AMOTL1: variants seen among roughly 807,000 people sequenced by gnomAD.
AMOTL1 encodes angiomotin-like protein 1.
Under a neutral mutation model 102.9 loss-of-function variants are expected in AMOTL1, and 45 were observed. The ratio of observed to expected loss-of-function variants is 0.44; its 90% CI spans 0.34 to 0.56. AMOTL1 has a LOEUF of 0.56. Ranked by LOEUF, AMOTL1 falls within the 20% of genes least tolerant of loss-of-function variation. The probability of loss-of-function intolerance (pLI) is 0.01; values close to 1 mark genes in which losing one functional copy is unlikely to be tolerated. For synonymous variants in AMOTL1, 481 were observed against 484.7 expected (o/e 0.99, Z 0.10); for missense variants, 1,114 against 1,225.6 (o/e 0.91, Z 1.36).
Position 94,730,773 on chromosome 11 carries a change from T to C in AMOTL1, c.85+1718T>C, listed in dbSNP as rs558901841. On this transcript the variant is annotated intron_variant, in intron 2 of 4. Transcript: ENST00000299004. ...TTGGCTGTGGGAACCTATCTGATTA[T>C]ACAACTGCTTCTGGCACCACCACAT... 3.3e-4 allele frequency among the ~76,000 whole-genome samples: 50 copies of C among 152,324 alleles called. 1 individual carries two copies. Among genetic ancestry groups the C allele is most frequent in the African/African-American group, 1.2e-3 (49 of 41,574 alleles).
intron 3 of AMOTL1, among the ~76,000 whole-genome samples, chr11:94,803,505 A>G (rs561224539): frequency 3.3e-5 from 5 of 152,310 alleles, no homozygotes; most frequent in South Asian, 4.1e-4. Flanking sequence ...TTGTTCTACT[A>G]TACTTTTTCC....
chr11:94,799,898 G>A lies in AMOTL1; in HGVS notation c.708G>A (p.Val236=), dbSNP rs868316931. 3 of 1,603,646 alleles carry A rather than the reference G, an allele frequency of 1.9e-6. No homozygotes were observed. The Middle Eastern group carries it at 5.0e-4, about 266-fold the overall frequency. The part of the protein sequence containing the change: ...QKSRTEGRPT[V]NRANSGQAHK... Reference sequence around the variant, plus strand: ...CCCGAACTGAGGGGAGGCCCACTGTGAACCGTGCCAACAGTGGACAGGCGC... The same window carrying A: ...CCCGAACTGAGGGGAGGCCCACTGTAAACCGTGCCAACAGTGGACAGGCGC... The change falls in exon 3 of 13, where the codon GTG becomes GTA. Residue 236 remains valine (V), a synonymous_variant. Transcript: ENST00000433060. The surrounding 1 kb of genome is among the most constrained non-coding windows in gnomAD (Gnocchi z 4.5).
At chr11:94,714,831 T>G in intron 1 of AMOTL1, among the ~76,000 whole-genome samples, 1 of 152,154 alleles carries the variant, frequency 6.6e-6, no homozygotes, top group East Asian at 1.9e-4. Flanking sequence ...TTTTATTTCA[T>G]GAATTCTTTC....
intron 1 of AMOTL1, among the ~76,000 whole-genome samples, chr11:94,771,966 A>C (rs1402622192): frequency 1.3e-5 from 2 of 152,242 alleles, no homozygotes; most frequent in African/African-American, 4.8e-5. Flanking sequence ...CTCACTGGCC[A>C]ATATTGCAGC....
rs756025451 is a variant in AMOTL1 at position 94,800,195 on chromosome 11, T to G, written c.1005T>G (p.Gly335=). ...CCCAGGAGCACGGACTTTTTTATGGTGACCAGCACCCCGGGATGCTCCACG... is the reference window on the plus strand; with the variant it reads ...CCCAGGAGCACGGACTTTTTTATGGGGACCAGCACCCCGGGATGCTCCACG... The part of the protein sequence containing the change: ...SKTQEHGLFY[G]DQHPGMLHEM... The change falls in exon 3 of 13, where the codon GGT becomes GGG. Residue 335 remains glycine, a synonymous_variant. Transcript: ENST00000433060. 2 of 1,613,904 alleles carry G rather than the reference T, an allele frequency of 1.2e-6. No homozygotes were observed. Among genetic ancestry groups the G allele is most frequent in the Non-Finnish European group, 8.5e-7 (1 of 1,179,864 alleles).
rs190343179 is a variant in AMOTL1, at chr11:94,768,573, C to G, written c.49+13C>G. 3.8e-6 allele frequency: 6 copies of G among 1,589,028 alleles called. No homozygotes were observed. Among genetic ancestry groups the G allele is most frequent in the Non-Finnish European group, 5.1e-6 (6 of 1,168,212 alleles). On this transcript the variant is annotated intron_variant, in intron 1 of 12. Coordinates refer to ENST00000433060, the MANE Select transcript of AMOTL1 (RefSeq NM_130847.3). The stretch of plus-strand genomic sequence containing the variant: ...CCTGCGGTGAAAGGTAACCAGCCCC[C>G]ACTCGAGGTGCCGGGAGGGCGTCTC...
chr11:94,846,885 G>C (rs1057461528), intron 6 of AMOTL1, among the ~76,000 whole-genome samples: 7 of 152,174 alleles, frequency 4.6e-5, no homozygotes, highest in African/African-American at 9.7e-5. Context: ...TTAGAATAAA[G>C]AGACTACTAT....
At chr11:94,868,960 A>C (rs1209420874) in intron 11 of AMOTL1, among the ~76,000 whole-genome samples, 1 of 151,836 alleles carries the variant, frequency 6.6e-6, no homozygotes, top group African/African-American at 2.4e-5. Context: ...AAAAAAACAA[A>C]AAAAACACAC....
chr11:94,732,484 G>GT (rs1950369946), intron 2 of AMOTL1, among the ~76,000 whole-genome samples: 2 of 152,082 alleles, frequency 1.3e-5, no homozygotes, highest in South Asian at 4.1e-4. Context: ...GGGCCACTGG[G>GT]TTTTCAAACT....
intron 3 of AMOTL1, among the ~76,000 whole-genome samples, chr11:94,741,407 C>T (rs549939867): frequency 6.6e-6 from 1 of 152,250 alleles, no homozygotes; most frequent in East Asian, 1.9e-4. Flanking sequence ...ACGAGAAGGA[C>T]GTCGTGTGGG....
chr11:94,859,271 A>G (rs532769840), intron 8 of AMOTL1, among the ~76,000 whole-genome samples: 3 of 152,320 alleles, frequency 2.0e-5, no homozygotes, highest in South Asian at 2.1e-4. Flanking sequence ...TGACCCTACT[A>G]CTGATAAGCT....
chr11:94,875,805 G>A lies in AMOTL1; in HGVS notation c.*5010G>A, dbSNP rs76714816. 1 of 152,170 alleles carries A rather than the reference G, an allele frequency of 6.6e-6. No homozygotes were observed. The highest frequency in any genetic ancestry group is 2.1e-4 in the South Asian group (1 of 4,826). The allele number at this position is 152,170 out of a possible 1,614,324, so 9.4% of individuals were successfully genotyped here. ...TCTCAAAGTGTCCACTTCAAGGGGGGATCATCCTCATTAGCACACAGATTT... is the reference window on the plus strand; with the variant it reads ...TCTCAAAGTGTCCACTTCAAGGGGGAATCATCCTCATTAGCACACAGATTT... On this transcript the variant is annotated 3_prime_UTR_variant, in exon 13 of 13. Coordinates refer to ENST00000433060, the MANE Select transcript of AMOTL1 (RefSeq NM_130847.3).
intron 3 of AMOTL1, among the ~76,000 whole-genome samples, chr11:94,761,307 G>A (rs1048868506): frequency 4.0e-5 from 6 of 150,600 alleles, no homozygotes; most frequent in South Asian, 2.1e-4. Flanking sequence ...TCCTGCCTCC[G>A]TCTCCTGAGT....
At chr11:94,828,651 G>A (rs1315557290) in intron 4 of AMOTL1, among the ~76,000 whole-genome samples, 1 of 152,104 alleles carries the variant, frequency 6.6e-6, no homozygotes, top group Admixed American at 6.5e-5. Flanking sequence ...CCTTATTTCT[G>A]TATCGTTGGC....
At position 94,821,498 on chromosome 11, in the gene AMOTL1, G is replaced by A. The variant is rs962817693; in HGVS notation, c.1122-32G>A. 3.8e-6 allele frequency: 6 copies of A among 1,598,342 alleles called. No homozygotes were observed. In the African/African-American group the frequency reaches 8.0e-5, roughly 21 times the overall value. On this transcript the variant is annotated intron_variant, in intron 3 of 12. Transcript: ENST00000433060. ...CCTTCCTGCTCCCACCATTTCCCCA[G>A]GCTCTAACTGCTGCCTTCCATTGCC... is the stretch of plus-strand genomic sequence containing the variant.
At chr11:94,751,668 A>C (rs1187351529) in intron 3 of AMOTL1, among the ~76,000 whole-genome samples, 1 of 151,490 alleles carries the variant, frequency 6.6e-6, no homozygotes, top group Non-Finnish European at 1.5e-5. Flanking sequence ...AATGACAATA[A>C]ATTCTGAAGA....
intron 11 of AMOTL1, among the ~76,000 whole-genome samples, chr11:94,867,794 A>T (rs1165074514): frequency 6.6e-6 from 1 of 152,180 alleles, no homozygotes; most frequent in East Asian, 1.9e-4. Flanking sequence ...CCCTACGAGG[A>T]CATCCTGCAG....
chr11:94,769,138 C>G (rs1950905578), intron 1 of AMOTL1, among the ~76,000 whole-genome samples: 1 of 152,228 alleles, frequency 6.6e-6, no homozygotes, highest in Non-Finnish European at 1.5e-5. Flanking sequence ...TTGTTCTCTC[C>G]CCAGACAAGT....
At chr11:94,777,487 A>G (rs1373422876) in intron 1 of AMOTL1, among the ~76,000 whole-genome samples, 1 of 152,222 alleles carries the variant, frequency 6.6e-6, no homozygotes, top group Non-Finnish European at 1.5e-5. Context: ...CTTACTTTCA[A>G]ATTTCTCCAA....
Sources: gnomAD v4.1 joint callset for allele counts (sites outside exome capture counted in the v4.1 genomes callset) on GRCh38, gnomAD v4.1.1 for gene constraint, Gnocchi (gnomAD v3.1) non-coding constraint, MANE v1.5 for transcripts, NCBI Gene and HGNC (gene_info 2026-07-23, HGNC 2026-07-21) for gene names.